SLC25A48: variants seen among roughly 807,000 people sequenced by gnomAD.
SLC25A48 encodes the protein solute carrier family 25 member 48.
In SLC25A48, 29 loss-of-function variants were observed where a neutral mutation model predicts 32.2. That is an observed-to-expected ratio of 0.90 (90% CI 0.67 to 1.23). The LOEUF is 1.23. Ranked by LOEUF, SLC25A48 falls within the 50% of genes most tolerant of loss-of-function variation. The probability of loss-of-function intolerance (pLI) is 0.00; values close to 1 mark genes in which losing one functional copy is unlikely to be tolerated. For synonymous variants in SLC25A48, 164 were observed against 172.3 expected (o/e 0.95, Z 0.38); for missense variants, 399 against 422.7 (o/e 0.94, Z 0.49).
intron 5 of SLC25A48, chr5:135,871,949 G>A: frequency 1.4e-6 from 2 of 1,453,766 alleles, no homozygotes; most frequent in African/African-American, 1.4e-5. Context: ...TCAGGCAACA[G>A]ATATATTTTG....
intron 1 of SLC25A48, among the ~76,000 whole-genome samples, chr5:135,600,229 A>G (rs1751762757): frequency 6.6e-6 from 1 of 152,212 alleles, no homozygotes; most frequent in Non-Finnish European, 1.5e-5. Flanking sequence ...TGGATGAGAC[A>G]TTTCAAAGGA....
intron 1 of SLC25A48, among the ~76,000 whole-genome samples, chr5:135,839,709 A>G (rs980620485): frequency 6.6e-6 from 1 of 152,162 alleles, no homozygotes; most frequent in Middle Eastern, 3.2e-3. Context: ...GTCTTGAATT[A>G]TAGCTCCCAT....
At chr5:135,648,830 C>G (rs1269754389) in intron 3 of SLC25A48, 1 of 152,266 alleles carries the variant, frequency 6.6e-6, no homozygotes, top group Non-Finnish European at 1.5e-5. Context: ...CTTCTGGTGC[C>G]TGTGGATGAG....
At chr5:135,650,285 G>A (rs1008426922) in intron 3 of SLC25A48, 1 of 388,168 alleles carries the variant, frequency 2.6e-6, no homozygotes, top group South Asian at 1.9e-5. Flanking sequence ...TCAAAGTTTG[G>A]TTTCTCCTTT....
intron 7 of SLC25A48, among the ~76,000 whole-genome samples, chr5:135,882,207 A>T (rs1581070627): frequency 6.6e-6 from 1 of 152,220 alleles, no homozygotes; most frequent in South Asian, 2.1e-4. Context: ...TCCTGGTGGG[A>T]GAGGGAGGTT....
At chr5:135,778,325 G>A (rs188484980) in intron 3 of SLC25A48, among the ~76,000 whole-genome samples, 1 of 151,638 alleles carries the variant, frequency 6.6e-6, no homozygotes, top group East Asian at 2.0e-4. Flanking sequence ...TATCCAGGAA[G>A]GGAGAAGGTG....
At chr5:135,607,163 G>C (rs1455912615) in intron 1 of SLC25A48, among the ~76,000 whole-genome samples, 1 of 152,194 alleles carries the variant, frequency 6.6e-6, no homozygotes, top group African/African-American at 2.4e-5. Context: ...TGAATTCACT[G>C]TATTCACTGG....
chr5:135,614,216 T>C (rs1483400012), intron 1 of SLC25A48, among the ~76,000 whole-genome samples: 1 of 152,174 alleles, frequency 6.6e-6, no homozygotes, highest in Non-Finnish European at 1.5e-5. Flanking sequence ...AATAGGATTG[T>C]CTTCTTGATT....
At chr5:135,711,564 C>T (rs745797864) in intron 3 of SLC25A48, among the ~76,000 whole-genome samples, 8 of 152,156 alleles carry the variant, frequency 5.3e-5, no homozygotes, top group South Asian at 2.1e-4. Flanking sequence ...AGGCAAGGAA[C>T]GCTTCAGTGC....
intron 3 of SLC25A48, among the ~76,000 whole-genome samples, chr5:135,642,883 C>G (rs1752873190): frequency 6.6e-6 from 1 of 152,224 alleles, no homozygotes; most frequent in South Asian, 2.1e-4. Flanking sequence ...GAAAAGGGCA[C>G]AGGCTCAGAT....
At chr5:135,733,836 T>G (rs1318386053) in intron 3 of SLC25A48, among the ~76,000 whole-genome samples, 5 of 151,876 alleles carry the variant, frequency 3.3e-5, no homozygotes, top group Admixed American at 3.3e-4. Context: ...GATTTAGGAT[T>G]TATGGGGTCA....
chr5:135,621,239 A>G lies in SLC25A48; in HGVS notation c.-848-7998A>G, dbSNP rs183805942. On this transcript the variant is annotated intron_variant, in intron 1 of 10. Transcript: ENST00000646290. ...TCTCTGGGCCTCAACTTTCCCATCT[A>G]CAAGGTTTCTGTGAGTTAATATGTG... 2.0e-5 allele frequency among the ~76,000 whole-genome samples: 3 copies of G among 152,322 alleles called. No homozygotes were observed. In the East Asian group the frequency reaches 5.8e-4, roughly 29 times the overall value.
intron 3 of SLC25A48, among the ~76,000 whole-genome samples, chr5:135,789,248 G>T (rs67427688): frequency 6.8e-6 from 1 of 146,618 alleles, no homozygotes; most frequent in South Asian, 2.2e-4. Context: ...AGTGGGTGGT[G>T]TTACTTTCCA....
chr5:135,881,782 CTTG>C (rs1388331383), intron 7 of SLC25A48, among the ~76,000 whole-genome samples: 1 of 152,122 alleles, frequency 6.6e-6, no homozygotes, highest in African/African-American at 2.4e-5. Context: ...ATCACAAGAC[CTTG>C]TTGTTATTCT....
At chr5:135,611,526 A>AAAAAAAAAAAAAAAAAAAAAAAC in intron 1 of SLC25A48, among the ~76,000 whole-genome samples, 1 of 141,672 alleles carries the variant, frequency 7.1e-6, no homozygotes, top group Non-Finnish European at 1.5e-5. Context: ...AAAAAAAAAA[A>AAAAAAAAAAAAAAAAAAAAAAAC]AGAAAAAGAA....
upstream of SLC25A48, among the ~76,000 whole-genome samples, chr5:135,832,009 A>G (rs537275200): frequency 1.8e-4 from 28 of 152,054 alleles, no homozygotes; most frequent in South Asian, 2.5e-3. Context: ...TGGGAGAGAG[A>G]AATGGAGGAT....
At chr5:135,618,622 G>C (rs1752245536) in intron 1 of SLC25A48, among the ~76,000 whole-genome samples, 1 of 152,062 alleles carries the variant, frequency 6.6e-6, no homozygotes, top group South Asian at 2.1e-4. Context: ...CATGATGGTA[G>C]TTATTGTTCT....
At chr5:135,670,122 C>A (rs1753620869) in intron 3 of SLC25A48, among the ~76,000 whole-genome samples, 1 of 152,128 alleles carries the variant, frequency 6.6e-6, no homozygotes, top group Non-Finnish European at 1.5e-5. Context: ...CAAGTCATCC[C>A]AGATTTCAGG....
At chr5:135,807,930 GT>G (rs886489217) in intron 3 of SLC25A48, among the ~76,000 whole-genome samples, 101 of 148,914 alleles carry the variant, frequency 6.8e-4, no homozygotes, top group African/African-American at 1.9e-3. Context: ...AAATATCTTA[GT>G]TTTTTTTTAA....
Sources: allele counts gnomAD v4.1 joint callset (sites outside exome capture counted in the v4.1 genomes callset), GRCh38; gene constraint gnomAD v4.1.1; transcripts MANE v1.5; gene names NCBI Gene and HGNC (gene_info 2026-07-23, HGNC 2026-07-21).